Variants in UNC5D observed in about 807,000 individuals in gnomAD.
UNC5D encodes unc-5 netrin receptor D, also known as netrin receptor UNC5D.
In UNC5D, 39 loss-of-function variants were observed where a neutral mutation model predicts 105.4. That is an observed-to-expected ratio of 0.37 (90% CI 0.29 to 0.48). UNC5D has a LOEUF of 0.48. Ranked by LOEUF, UNC5D falls within the 20% of genes least tolerant of loss-of-function variation. The pLI is 0.98. For synonymous variants in UNC5D, 452 were observed against 450.4 expected, an observed-to-expected ratio of 1.00 and a Z score of -0.04; for missense variants, 991 against 1,202.4, an observed-to-expected ratio of 0.82 and a Z score of 2.60.
intron 1 of UNC5D, among the ~76,000 whole-genome samples, chr8:35,530,106 G>A (rs1814228357): frequency 6.6e-6 from 1 of 152,016 alleles, no homozygotes; most frequent in South Asian, 2.1e-4. Flanking sequence ...GTGAGAGAGG[G>A]CATCCCTGTC....
At chr8:35,575,762 A>G (rs1475499326) in intron 3 of UNC5D, among the ~76,000 whole-genome samples, 23 of 152,186 alleles carry the variant, frequency 1.5e-4, no homozygotes, top group Non-Finnish European at 2.9e-5. Context: ...TACTCTGTAA[A>G]TGCTCAGTCC....
intron 4 of UNC5D, among the ~76,000 whole-genome samples, chr8:35,667,811 G>A (rs1176106331): frequency 6.6e-6 from 1 of 152,128 alleles, no homozygotes; most frequent in Admixed American, 6.6e-5. Flanking sequence ...TGGTTGCATA[G>A]TATTTCATTG....
At chr8:35,413,832 G>A (rs1347591261) in intron 1 of UNC5D, among the ~76,000 whole-genome samples, 1 of 152,088 alleles carries the variant, frequency 6.6e-6, no homozygotes. Context: ...AGCAGAAAGG[G>A]TTGTTAGTTT....
chr8:35,730,457 T>C (rs1829123681), intron 10 of UNC5D, among the ~76,000 whole-genome samples: 1 of 152,186 alleles, frequency 6.6e-6, no homozygotes. Flanking sequence ...ATAAGGCTCC[T>C]AAGTACATCA....
At chr8:35,389,645 C>G (rs996711384) in intron 1 of UNC5D, among the ~76,000 whole-genome samples, 1 of 150,780 alleles carries the variant, frequency 6.6e-6, no homozygotes, top group Non-Finnish European at 1.5e-5. Context: ...TATATAATAC[C>G]AAGGCTGAAA....
chr8:35,440,624 A>T (rs1441613447), intron 1 of UNC5D, among the ~76,000 whole-genome samples: 1 of 151,874 alleles, frequency 6.6e-6, no homozygotes, highest in Non-Finnish European at 1.5e-5. Context: ...TTAGAAGCAA[A>T]CCCTTTGCAT....
At chr8:35,399,351 T>C (rs908550697) in intron 1 of UNC5D, among the ~76,000 whole-genome samples, 15 of 152,180 alleles carry the variant, frequency 9.9e-5, no homozygotes, top group African/African-American at 3.4e-4. Flanking sequence ...TTTTTTTTCT[T>C]TTAAGGCCTA....
intron 4 of UNC5D, among the ~76,000 whole-genome samples, chr8:35,641,386 G>GAA (rs1209560462): frequency 1.1e-5 from 1 of 91,840 alleles, no homozygotes; most frequent in Non-Finnish European, 2.3e-5. Context: ...AAAAAAAAAA[G>GAA]AAAAAAAAAA....
At chr8:35,633,825 G>A (rs548603570) in intron 4 of UNC5D, among the ~76,000 whole-genome samples, 1 of 152,312 alleles carries the variant, frequency 6.6e-6, no homozygotes, top group African/African-American at 2.4e-5. Context: ...GGAGGCTGAA[G>A]GAGTGGGCCC....
chr8:35,758,055 G>A (rs1414527049), intron 13 of UNC5D, among the ~76,000 whole-genome samples: 1 of 152,172 alleles, frequency 6.6e-6, no homozygotes, highest in Non-Finnish European at 1.5e-5. Context: ...TATCATCACA[G>A]CTAGTTTACA....
rs1327669916 is a variant in UNC5D at position 35,750,820 on chromosome 8, GT to G, written c.2163+15del. The G allele has an allele frequency of 6.2e-7, 1 of 1,612,910 alleles. No homozygotes were observed. Among genetic ancestry groups the G allele is most frequent in the African/African-American group, 1.3e-5 (1 of 74,874 alleles). On this transcript the variant is annotated intron_variant, in intron 13 of 16. Coordinates refer to ENST00000404895, the MANE Select transcript of UNC5D (RefSeq NM_080872.4). ...CCTTGTGCATTTCAGGTTAGCCTTT[GT>G]TTTAATAATTTTCTTTTGGTGTCAT...
chr8:35,435,774 A>T (rs1033772042), intron 1 of UNC5D, among the ~76,000 whole-genome samples: 2 of 152,096 alleles, frequency 1.3e-5, no homozygotes, highest in Non-Finnish European at 2.9e-5. Flanking sequence ...AATCATTGAC[A>T]TGGAAGCTAT....
At chr8:35,350,618 T>C (rs777985471) in intron 1 of UNC5D, among the ~76,000 whole-genome samples, 1 of 152,044 alleles carries the variant, frequency 6.6e-6, no homozygotes, top group Non-Finnish European at 1.5e-5. Flanking sequence ...ACTCCAAAAG[T>C]GATTTCATAC....
At chr8:35,384,624 G>T (rs896948241) in intron 1 of UNC5D, among the ~76,000 whole-genome samples, 4 of 152,172 alleles carry the variant, frequency 2.6e-5, no homozygotes, top group African/African-American at 7.2e-5. Context: ...GGTGGCAATT[G>T]CAGAAACCCA....
intron 1 of UNC5D, among the ~76,000 whole-genome samples, chr8:35,280,850 C>T (rs1413161882): frequency 6.6e-6 from 1 of 152,152 alleles, no homozygotes; most frequent in Admixed American, 6.5e-5. Context: ...CCAGATTAAT[C>T]TTTCTAATGC....
chr8:35,756,656 A>G lies in UNC5D; in HGVS notation c.2164-2664A>G, dbSNP rs1286277147. Among the ~76,000 whole-genome samples the G allele has an allele frequency of 2.0e-5, 3 of 152,228 alleles. No homozygotes were observed. The East Asian group carries it at 5.8e-4, about 29-fold the overall frequency. Reference sequence around the variant, plus strand: ...GACCATGATCAAGTTGCCCTGGTCAAAGTCTCAGGTCTCCCATTAGCCACG... The same window carrying G: ...GACCATGATCAAGTTGCCCTGGTCAGAGTCTCAGGTCTCCCATTAGCCACG... On this transcript the variant is annotated intron_variant, in intron 13 of 16. Transcript: ENST00000404895.
intron 1 of UNC5D, among the ~76,000 whole-genome samples, chr8:35,439,304 T>G (rs1807241629): frequency 6.6e-6 from 1 of 152,028 alleles, no homozygotes; most frequent in Non-Finnish European, 1.5e-5. Flanking sequence ...TTCTTCTTAA[T>G]TTTCAGGAAA....
At position 35,471,126 on chromosome 8, in the gene UNC5D, G is replaced by A. The variant is rs145644646; in HGVS notation, c.104-78166G>A. On this transcript the variant is annotated intron_variant, in intron 1 of 16. Coordinates refer to ENST00000404895, the MANE Select transcript of UNC5D (RefSeq NM_080872.4). The stretch of plus-strand genomic sequence containing the variant: ...CTGTTCAACCCCTCCCCTCAATACC[G>A]AGCTGTTGCTTGAGAAGGAATATTC... Among the ~76,000 whole-genome samples the A allele has an allele frequency of 2.1e-3, 316 of 152,102 alleles. 3 individuals are homozygous for A. The highest frequency in any genetic ancestry group is 6.2e-3 in the South Asian group (30 of 4,818).
chr8:35,537,651 G>A (rs1814934068), intron 1 of UNC5D, among the ~76,000 whole-genome samples: 2 of 151,724 alleles, frequency 1.3e-5, no homozygotes, highest in Admixed American at 1.3e-4. Flanking sequence ...CTGCACTCCA[G>A]CCTGGAAAAG....
Sources: allele counts gnomAD v4.1 joint callset (sites outside exome capture counted in the v4.1 genomes callset), GRCh38; gene constraint gnomAD v4.1.1; transcripts MANE v1.5; gene names NCBI Gene and HGNC (gene_info 2026-07-23, HGNC 2026-07-21).